NCF2: variants seen among roughly 807,000 people sequenced by gnomAD.
The protein encoded by NCF2 is neutrophil cytosolic factor 2, also known as neutrophil cytosol factor 2.
Under a neutral mutation model 70.9 loss-of-function variants are expected in NCF2, and 45 were observed. That is an observed-to-expected ratio of 0.63 (90% CI 0.50 to 0.81). NCF2 has a LOEUF of 0.81. NCF2 is among the 40% of genes least tolerant of loss of function. The pLI is 0.00. For missense variants in NCF2, 522 were observed against 631.6 expected, an observed-to-expected ratio of 0.83 and a Z score of 1.86; for synonymous variants, 203 against 233.6, an observed-to-expected ratio of 0.87 and a Z score of 1.19.
rs142803799 is a variant in NCF2, at chr1:183,586,955, C to A, written c.197G>T (p.Arg66Leu). 4 of 1,614,088 alleles carry A rather than the reference C, an allele frequency of 2.5e-6. No homozygotes were observed. The highest frequency in any genetic ancestry group is 3.4e-6 in the Non-Finnish European group (4 of 1,179,964). ...AEKAFTRSIN[R>L]DKHLAVAYFQ... ...GTAAGCCACTGCCAAGTGCTTGTCTCGGTTAATGCTTCTGGTAAAGGCCTG... is the reference window on the plus strand; with the variant it reads ...GTAAGCCACTGCCAAGTGCTTGTCTAGGTTAATGCTTCTGGTAAAGGCCTG... The change falls in exon 2 of 15, where the codon CGA becomes CTA. Residue 66 changes from arginine to leucine, a missense_variant. Arg to Leu is a moderately radical substitution (Grantham distance 102). Coordinates refer to ENST00000367535, the MANE Select transcript of NCF2 (RefSeq NM_000433.4).
chr1:183,580,821 AT>A (rs1266725090), intron 2 of NCF2, among the ~76,000 whole-genome samples: 1 of 152,008 alleles, frequency 6.6e-6, no homozygotes, highest in Non-Finnish European at 1.5e-5. Flanking sequence ...TACTAAAAAT[AT>A]TTAAAAATTA....
chr1:183,601,790 G>A, the NCF2 span, among the ~76,000 whole-genome samples: 1 of 151,764 alleles, frequency 6.6e-6, no homozygotes, highest in Non-Finnish European at 1.5e-5. Flanking sequence ...CCCAGGAGGC[G>A]GAGCTTGCAG....
chr1:183,588,829 A>C (rs1222923504), intron 1 of NCF2, among the ~76,000 whole-genome samples: 1 of 152,256 alleles, frequency 6.6e-6, no homozygotes, highest in African/African-American at 2.4e-5. Context: ...GGAGCTGAGA[A>C]GTGAGTGGTG....
intron 6 of NCF2, 118 bp from the exon 7 acceptor site, chr1:183,569,303 A>G (rs1672443939): frequency 1.1e-6 from 1 of 950,962 alleles, no homozygotes; most frequent in African/African-American, 1.6e-5. Flanking sequence ...CAAATAACGC[A>G]TTTCTGACTG....
At chr1:183,568,949 C>G (rs1200406651) in intron 7 of NCF2, among the ~76,000 whole-genome samples, 193 bp downstream of exon 7, 1 of 152,160 alleles carries the variant, frequency 6.6e-6, no homozygotes, top group African/African-American at 2.4e-5. Flanking sequence ...TCATTCCTTT[C>G]TAGCCTGACA....
At chr1:183,599,530 TTTCTTTCTTTCTTTCC>T in the NCF2 span, among the ~76,000 whole-genome samples, 5 of 148,702 alleles carry the variant, frequency 3.4e-5, no homozygotes, top group Non-Finnish European at 5.9e-5. Context: ...TTTCTCTCTC[TTTCTTTCTTTCTTTCC>T]TTCTTTCTTT....
intron 11 of NCF2, 36 bp from the exon 12 acceptor site, chr1:183,563,621 T>C: frequency 6.2e-7 from 1 of 1,611,696 alleles, no homozygotes; most frequent in Non-Finnish European, 8.5e-7. Context: ...CTCCTGAGTG[T>C]CTGAGGCTTT....
chr1:183,580,840 G>A (rs1045532720), intron 2 of NCF2, among the ~76,000 whole-genome samples: 9 of 152,110 alleles, frequency 5.9e-5, no homozygotes, highest in African/African-American at 1.7e-4. Context: ...TTAGCCGGGC[G>A]TGGTGGTGCG....
At position 183,586,909 on chromosome 1, in the gene NCF2, G is replaced by A. The variant is rs143178891; in HGVS notation, c.243C>T (p.Tyr81=). Residue 81 remains tyrosine (Y), a synonymous_variant, in exon 2 of 15, where the codon TAC becomes TAT. Coordinates refer to ENST00000367535, the MANE Select transcript of NCF2 (RefSeq NM_000433.4). ...AVAYFQRGML[Y]YQTEKYDLAI... The stretch of plus-strand genomic sequence containing the variant: ...GAACCACTTACTTCTCTGTCTGGTA[G>A]TAGAGCATCCCTCGTTGGAAGTAAG... The A allele has an allele frequency of 1.7e-5, 28 of 1,613,908 alleles. No individual in the cohort carries two copies. In the South Asian group the frequency reaches 2.4e-4, roughly 14 times the overall value.
At chr1:183,593,166 G>A (rs1295630620), upstream of NCF2, among the ~76,000 whole-genome samples, 1 of 111,488 alleles carries the variant, frequency 9.0e-6, no homozygotes, top group Admixed American at 9.1e-5. Context: ...TCAGGAGGAA[G>A]TCCTGGGCTA....
the NCF2 span, among the ~76,000 whole-genome samples, chr1:183,599,437 T>TCTTTTCTTTC: frequency 2.5e-4 from 24 of 96,786 alleles, no homozygotes; most frequent in African/African-American, 8.1e-4. Flanking sequence ...TTTCTTTCTT[T>TCTTTTCTTTC]CTTTCTTTCT....
At chr1:183,595,717 T>G (rs567829174), upstream of NCF2, among the ~76,000 whole-genome samples, 17 of 152,326 alleles carry the variant, frequency 1.1e-4, no homozygotes, top group African/African-American at 3.8e-4. Flanking sequence ...CCTCTAGACC[T>G]TCTCTTAAAG....
chr1:183,594,815 C>T (rs1037883430), upstream of NCF2, among the ~76,000 whole-genome samples: 3 of 152,072 alleles, frequency 2.0e-5, no homozygotes, highest in African/African-American at 7.2e-5. Context: ...AGGAAGAAGC[C>T]TGTAAAATCA....
the NCF2 span, among the ~76,000 whole-genome samples, chr1:183,601,544 A>G: frequency 1.5e-3 from 234 of 152,274 alleles, 1 homozygote; most frequent in African/African-American, 5.5e-3. Flanking sequence ...AGCATTTTTT[A>G]TAATGAGGGT....
intron 10 of NCF2, 102 bp from the exon 11 acceptor site, chr1:183,564,132 C>T: frequency 1.8e-6 from 2 of 1,117,744 alleles, no homozygotes; most frequent in South Asian, 2.5e-5. Context: ...ATAGGGCCCC[C>T]AACCTCTTAC....
upstream of NCF2, chr1:183,590,517 C>T (rs763929865): frequency 1.4e-6 from 1 of 695,148 alleles, no homozygotes; most frequent in African/African-American, 1.8e-5. Flanking sequence ...AGGAAATGTC[C>T]CCACCTTTTG....
chr1:183,574,467 T>C lies in NCF2; in HGVS notation c.501+20A>G, dbSNP rs757545051. 47 of 1,614,012 alleles carry C rather than the reference T, an allele frequency of 2.9e-5. No homozygotes were observed. The highest frequency in any genetic ancestry group is 3.7e-5 in the Non-Finnish European group (44 of 1,179,972). ...AATCCAGTGACATCCTCTCAACACC[T>C]GCATCACCAATACGCTTACCCAGAC... On this transcript the variant is annotated intron_variant, in intron 4 of 14. Transcript: ENST00000367535.
At chr1:183,593,575 T>G (rs2102945566), upstream of NCF2, among the ~76,000 whole-genome samples, 1 of 152,226 alleles carries the variant, frequency 6.6e-6, no homozygotes, top group Non-Finnish European at 1.5e-5. Context: ...GTAACACTCT[T>G]CCCCCAAGCC....
the NCF2 span, among the ~76,000 whole-genome samples, chr1:183,599,478 CTTTCTCTTTT>C: frequency 1.6e-5 from 2 of 125,368 alleles, no homozygotes; most frequent in African/African-American, 6.2e-5. Context: ...TTCTTTCTTT[CTTTCTCTTTT>C]CTTTCTTTCT....
Sources: gnomAD v4.1 joint callset for allele counts (sites outside exome capture counted in the v4.1 genomes callset) on GRCh38, gnomAD v4.1.1 for gene constraint, MANE v1.5 for transcripts, NCBI Gene and HGNC (gene_info 2026-07-23, HGNC 2026-07-21) for gene names.